IFNAR1: variants seen among roughly 807,000 people sequenced by gnomAD.
The protein encoded by IFNAR1 is interferon alpha/beta receptor 1.
IFNAR1 carries 47 observed loss-of-function variants against 62.1 expected under a neutral mutation model. That is an observed-to-expected ratio of 0.76 (90% CI 0.60 to 0.97). The LOEUF (loss-of-function observed/expected upper bound fraction) is 0.97, where lower values mean the gene tolerates loss of function less well. Among genes scored for constraint, IFNAR1 ranks in the 50% least tolerant of loss-of-function variants. The pLI is 0.00. For missense variants in IFNAR1, 638 were observed against 654.5 expected (o/e 0.97, Z 0.27); for synonymous variants, 219 against 226.9 (o/e 0.97, Z 0.31).
At chr21:33,351,756 C>T (rs1174259249) in intron 8 of IFNAR1, among the ~76,000 whole-genome samples, 1 of 151,772 alleles carries the variant, frequency 6.6e-6, no homozygotes, top group Non-Finnish European at 1.5e-5. Flanking sequence ...CACCACGTTG[C>T]CCAGGCTTTT....
At chr21:33,351,360 T>C (rs1022503990) in intron 8 of IFNAR1, among the ~76,000 whole-genome samples, 1 of 152,092 alleles carries the variant, frequency 6.6e-6, no homozygotes, top group East Asian at 1.9e-4. Context: ...AGGAATAAAA[T>C]GTATTCCACA....
chr21:33,326,496 C>T (rs1438861452), intron 1 of IFNAR1, among the ~76,000 whole-genome samples: 18 of 152,092 alleles, frequency 1.2e-4, no homozygotes, highest in Admixed American at 7.9e-4. Flanking sequence ...CCACCACGCC[C>T]GATCTATTTA....
Position 33,353,793 on chromosome 21 carries a change from T to C in IFNAR1, c.1440+10T>C. On this transcript the variant is annotated intron_variant, in intron 10 of 10. Coordinates refer to ENST00000270139, the MANE Select transcript of IFNAR1 (RefSeq NM_000629.3). Reference sequence around the variant, plus strand: ...TTCCAGTATAGATGAGGTATGTTACTTTTTTTATTTTTTTGTCAACAGCTA... The same window carrying C: ...TTCCAGTATAGATGAGGTATGTTACCTTTTTTATTTTTTTGTCAACAGCTA... 6.6e-7 allele frequency: 1 copy of C among 1,523,146 alleles called. No individual in the cohort carries two copies. Among genetic ancestry groups the C allele is most frequent in the Middle Eastern group, 1.7e-4 (1 of 5,874 alleles). The allele number at this position is 1,523,146 out of a possible 1,614,324, so 94.4% of individuals were successfully genotyped here.
At chr21:33,337,908 C>T (rs936239266) in intron 2 of IFNAR1, among the ~76,000 whole-genome samples, 1 of 151,522 alleles carries the variant, frequency 6.6e-6, no homozygotes, top group Admixed American at 6.6e-5. Flanking sequence ...TTGTTTTTTC[C>T]CTTAGTTTGG....
chr21:33,339,490 G>A (rs1378267064), intron 2 of IFNAR1, among the ~76,000 whole-genome samples: 3 of 152,056 alleles, frequency 2.0e-5, no homozygotes, highest in Admixed American at 6.5e-5. Context: ...TATCTAAATC[G>A]TCTTTAAAAT....
chr21:33,334,093 A>G (rs2083209645), intron 1 of IFNAR1, among the ~76,000 whole-genome samples: 1 of 152,242 alleles, frequency 6.6e-6, no homozygotes, highest in Non-Finnish European at 1.5e-5. Context: ...GAAGGTTATT[A>G]TATAATGATA....
chr21:33,332,001 A>AC (rs2083186116), intron 1 of IFNAR1, among the ~76,000 whole-genome samples: 1 of 152,152 alleles, frequency 6.6e-6, no homozygotes, highest in Non-Finnish European at 1.5e-5. Flanking sequence ...CACCTCAGCA[A>AC]CCAAGTGTCT....
chr21:33,336,951 A>G (rs2083243208), intron 2 of IFNAR1, among the ~76,000 whole-genome samples: 1 of 151,978 alleles, frequency 6.6e-6, no homozygotes, highest in South Asian at 2.1e-4. Flanking sequence ...GGGTTTCGCC[A>G]TGTTGGCCAG....
intron 3 of IFNAR1, 103 bp from the exon 4 acceptor site, chr21:33,343,165 A>G (rs1416868449): frequency 6.7e-6 from 6 of 890,824 alleles, no homozygotes; most frequent in African/African-American, 6.7e-5. Context: ...CTTAACTCCC[A>G]GAAGTGGCAG....
Position 33,356,439 on chromosome 21 carries a change from C to T in IFNAR1, c.*890C>T, listed in dbSNP as rs2083449220. On this transcript the variant is annotated 3_prime_UTR_variant, in exon 11 of 11. Transcript: ENST00000270139. ...CAGCTGCAAATGCCAGAAAGATGAT[C>T]CCTAAAAATGTTGAGGGACTTCTGT... 2 of 152,212 alleles carry T rather than the reference C, an allele frequency of 1.3e-5. No individual in the cohort carries two copies. The highest frequency in any genetic ancestry group is 2.9e-5 in the Non-Finnish European group (2 of 68,042). The allele number at this position is 152,212 out of a possible 1,614,324, so 9.4% of individuals were successfully genotyped here.
chr21:33,343,613 G>A lies in IFNAR1; in HGVS notation c.610G>A (p.Ala204Thr). ...GACTACTTATTGTCTAAAAGTTAAA[G>A]CAGCACTACTTACGTCATGGAAAAT... Reference protein sequence around the residue: ...PETTYCLKVKAALLTSWKIGV... With the variant: ...PETTYCLKVKTALLTSWKIGV... The change falls in exon 5 of 11, where the codon GCA becomes ACA. Residue 204 changes from alanine to threonine, a missense_variant. Ala to Thr is a moderately conservative substitution (Grantham distance 58, BLOSUM62 0). Coordinates refer to ENST00000270139, the MANE Select transcript of IFNAR1 (RefSeq NM_000629.3). The A allele has an allele frequency of 6.2e-7, 1 of 1,602,010 alleles. No individual in the cohort carries two copies. The highest frequency in any genetic ancestry group is 8.6e-7 in the Non-Finnish European group (1 of 1,169,192).
chr21:33,351,920 C>T (rs1490768192), intron 8 of IFNAR1, among the ~76,000 whole-genome samples: 1 of 151,892 alleles, frequency 6.6e-6, no homozygotes, highest in African/African-American at 2.4e-5. Context: ...TCGTCTTGAA[C>T]TCCTGGGCTC....
intron 2 of IFNAR1, among the ~76,000 whole-genome samples, chr21:33,338,847 A>G (rs1193779049): frequency 6.6e-6 from 1 of 151,680 alleles, no homozygotes; most frequent in African/African-American, 2.4e-5. Context: ...GGTTCAAGCA[A>G]TTCTCCTGTC....
chr21:33,358,697 C>T lies in IFNAR1; in HGVS notation c.*3148C>T, dbSNP rs2083472214. On this transcript the variant is annotated 3_prime_UTR_variant, in exon 11 of 11. Transcript: ENST00000270139. ...AAATTTGCAACTTATAAAAAAGTTA[C>T]TTTTAAAAATATAAGTTAGGGCTAG... The T allele has an allele frequency of 6.6e-6, 1 of 151,960 alleles. No homozygotes were observed. Among genetic ancestry groups the T allele is most frequent in the Non-Finnish European group, 1.5e-5 (1 of 68,006 alleles). 9.4% of individuals were successfully genotyped at this position (151,960 alleles called of 1,614,324 possible). A position where few individuals can be genotyped will look rare whatever the true frequency, so the allele number is the denominator to read the frequency against.
intron 2 of IFNAR1, among the ~76,000 whole-genome samples, chr21:33,335,924 T>G (rs1174471711): frequency 6.6e-6 from 1 of 151,218 alleles, no homozygotes; most frequent in East Asian, 1.9e-4. Flanking sequence ...TCTTTTTTTT[T>G]TTTTTTTAAT....
At chr21:33,339,300 G>C (rs1291602314) in intron 2 of IFNAR1, among the ~76,000 whole-genome samples, 5 of 152,148 alleles carry the variant, frequency 3.3e-5, no homozygotes, top group Non-Finnish European at 5.9e-5. Context: ...TTTAATGCCA[G>C]CTCTAATCTC....
intron 1 of IFNAR1, among the ~76,000 whole-genome samples, chr21:33,331,167 C>T (rs1031451442): frequency 1.1e-4 from 17 of 152,216 alleles, no homozygotes; most frequent in African/African-American, 4.1e-4. Context: ...GGTGGAACTA[C>T]TCCACCTACT....
At position 33,337,102 on chromosome 21, in the gene IFNAR1, A is replaced by G. The variant is rs2843995; in HGVS notation, c.200+1455A>G. 3.2e-3 allele frequency among the ~76,000 whole-genome samples: 484 copies of G among 152,002 alleles called. 20 individuals are homozygous for G. The East Asian group carries it at 0.074, about 23-fold the overall frequency. On this transcript the variant is annotated intron_variant, in intron 2 of 10. Transcript: ENST00000270139. ...ACTGGGCATGGTGGCATGTGTCTGTAATCCCACCTACTTGGGAAGCTGAGG... is the reference window on the plus strand; with the variant it reads ...ACTGGGCATGGTGGCATGTGTCTGTGATCCCACCTACTTGGGAAGCTGAGG...
intron 2 of IFNAR1, among the ~76,000 whole-genome samples, chr21:33,340,106 C>A (rs146271101): frequency 6.6e-6 from 1 of 152,038 alleles, no homozygotes; most frequent in Admixed American, 6.6e-5. Flanking sequence ...ATCACTTCAG[C>A]TTTCTGATTG....
Sources: gnomAD v4.1 joint callset for allele counts (sites outside exome capture counted in the v4.1 genomes callset) on GRCh38, gnomAD v4.1.1 for gene constraint, MANE v1.5 for transcripts, NCBI Gene and HGNC (gene_info 2026-07-23, HGNC 2026-07-21) for gene names.